Variants in PLEKHA6 observed in about 807,000 individuals in gnomAD.
PLEKHA6 encodes the protein pleckstrin homology domain containing A6.
In PLEKHA6, 60 loss-of-function variants were observed where a neutral mutation model predicts 116.7. The observed-to-expected ratio is 0.51, with a 90% confidence interval of 0.42 to 0.64. The LOEUF is 0.64. Ranked by LOEUF, PLEKHA6 falls within the 30% of genes least tolerant of loss-of-function variation. PLEKHA6 has a pLI of 0.00. For synonymous variants in PLEKHA6, 489 were observed against 556.1 expected (o/e 0.88, Z 1.70); for missense variants, 1,338 against 1,422.7 (o/e 0.94, Z 0.96).
chr1:204,338,130 G>T (rs909707449), intron 1 of PLEKHA6, among the ~76,000 whole-genome samples: 1 of 152,236 alleles, frequency 6.6e-6, no homozygotes, highest in Non-Finnish European at 1.5e-5. Context: ...TTGAATTATG[G>T]CTCCACGACT....
chr1:204,278,554 G>A (rs1233061391), intron 1 of PLEKHA6, among the ~76,000 whole-genome samples: 1 of 152,220 alleles, frequency 6.6e-6, no homozygotes, highest in Admixed American at 6.5e-5. Context: ...GGGGAATAAT[G>A]TGATCAGTGA....
At chr1:204,345,760 G>A (rs1673019316) in intron 1 of PLEKHA6, among the ~76,000 whole-genome samples, 1 of 152,098 alleles carries the variant, frequency 6.6e-6, no homozygotes, top group South Asian at 2.1e-4. Context: ...CCTGACCCCA[G>A]AGCAGGTTCC....
At chr1:204,317,898 A>T (rs1020676026) in intron 1 of PLEKHA6, among the ~76,000 whole-genome samples, 2 of 152,230 alleles carry the variant, frequency 1.3e-5, no homozygotes, top group Admixed American at 1.3e-4. Context: ...GGAGGACAAT[A>T]ACAGTATCCA....
intron 1 of PLEKHA6, among the ~76,000 whole-genome samples, chr1:204,348,829 A>G (rs961461579): frequency 6.6e-6 from 1 of 151,780 alleles, no homozygotes; most frequent in African/African-American, 2.4e-5. Context: ...AGACAATGAG[A>G]AACGGGCTTC....
Position 204,272,661 on chromosome 1 carries a change from C to A in PLEKHA6, c.102+965G>T, listed in dbSNP as rs894942095. Among the ~76,000 whole-genome samples, 3 of 152,210 alleles carry A rather than the reference C, an allele frequency of 2.0e-5. No homozygotes were observed. The South Asian group carries it at 6.2e-4, about 32-fold the overall frequency. On this transcript the variant is annotated intron_variant, in intron 3 of 22. Transcript: ENST00000272203. ...ACCTTTCCTTCCTCCCTAGAGGCAA[C>A]CACTGACCCAAAATTAGTCTTCCTG...
chr1:204,232,975 A>G (rs1246834935), intron 17 of PLEKHA6, among the ~76,000 whole-genome samples: 2 of 151,968 alleles, frequency 1.3e-5, no homozygotes, highest in African/African-American at 4.8e-5. Flanking sequence ...TTTAAAATTT[A>G]TTTTTTAAAT....
At chr1:204,334,223 C>T (rs1230002463) in intron 1 of PLEKHA6, among the ~76,000 whole-genome samples, 1 of 152,292 alleles carries the variant, frequency 6.6e-6, no homozygotes, top group East Asian at 1.9e-4. Flanking sequence ...GCATAGCTAA[C>T]CCTCCATCAC....
intron 1 of PLEKHA6, among the ~76,000 whole-genome samples, chr1:204,338,137 G>A (rs1672718590): frequency 1.3e-5 from 2 of 152,280 alleles, no homozygotes; most frequent in Middle Eastern, 3.4e-3. Context: ...ATGGCTCCAC[G>A]ACTTTCTAAC....
At position 204,259,246 on chromosome 1, in the gene PLEKHA6, G is replaced by T; in HGVS notation, c.1007+12C>A. The T allele has an allele frequency of 6.2e-7, 1 of 1,611,282 alleles. No homozygotes were observed. The highest frequency in any genetic ancestry group is 1.1e-5 in the South Asian group (1 of 90,924). On this transcript the variant is annotated intron_variant, in intron 8 of 22. Coordinates refer to ENST00000272203, the MANE Select transcript of PLEKHA6 (RefSeq NM_014935.5). This position sits in a 1 kb window ranked among gnomAD's most constrained non-coding sequence, Gnocchi z 4.6. ...CCATATCAGCCCCACCCCAGCCGCCGGCATGCCTCACCTCCGAAGGTCTTC... is the reference window on the plus strand; with the variant it reads ...CCATATCAGCCCCACCCCAGCCGCCTGCATGCCTCACCTCCGAAGGTCTTC...
At chr1:204,297,949 A>G in intron 1 of PLEKHA6, 3 of 967,032 alleles carry the variant, frequency 3.1e-6, no homozygotes, top group Non-Finnish European at 3.7e-6. Context: ...TACTCCTCAT[A>G]TCTCTCCCCA....
chr1:204,311,503 A>G, intron 1 of PLEKHA6: 1 of 606,178 alleles, frequency 1.6e-6, no homozygotes, highest in African/African-American at 2.0e-5. Context: ...AAAAAAAAAA[A>G]AGTTATTCTG....
In PLEKHA6 at chr1:204,274,807, T is replaced by C. The variant is rs755813252; in HGVS notation, c.-92A>G. On this transcript the variant is annotated splice_region_variant and 5_prime_UTR_variant, in exon 2 of 23. Transcript: ENST00000272203. ...TAGAAATGTGTTCCGTCTTTCATTG[T>C]GGCTGTAGAGGGAAAAACAGAAGAG... The C allele has an allele frequency of 1.0e-6, 1 of 985,840 alleles. No homozygotes were observed. Among genetic ancestry groups the C allele is most frequent in the Non-Finnish European group, 1.2e-6 (1 of 829,920 alleles). 61.1% of individuals were successfully genotyped at this position (985,840 alleles called of 1,614,324 possible).
chr1:204,305,994 G>A (rs915309290), intron 1 of PLEKHA6, among the ~76,000 whole-genome samples: 2 of 152,012 alleles, frequency 1.3e-5, no homozygotes, highest in African/African-American at 4.8e-5. Flanking sequence ...GGATTATATC[G>A]ACATTGAGAG....
At chr1:204,249,100 T>C in intron 11 of PLEKHA6, 84 bp downstream of exon 11, 1 of 1,477,008 alleles carries the variant, frequency 6.8e-7, no homozygotes, top group Non-Finnish European at 9.4e-7. Context: ...GTCATCTCAG[T>C]CAGGTTGGAG....
intron 17 of PLEKHA6, among the ~76,000 whole-genome samples, chr1:204,233,041 G>T (rs1431594927): frequency 1.3e-5 from 2 of 152,004 alleles, no homozygotes; most frequent in African/African-American, 2.4e-5. Context: ...GGGCTCAAAT[G>T]GTCCTCCTGC....
intron 1 of PLEKHA6, among the ~76,000 whole-genome samples, chr1:204,353,183 A>T (rs1355575): frequency 0.042 from 6,367 of 152,294 alleles, 140 homozygotes; most frequent in African/African-American, 0.051. Context: ...GTTACCAACC[A>T]TTTTGTGACT....
chr1:204,356,832 C>T (rs1034214722), intron 1 of PLEKHA6, among the ~76,000 whole-genome samples: 1 of 152,110 alleles, frequency 6.6e-6, no homozygotes, highest in African/African-American at 2.4e-5. Flanking sequence ...CAATGTATTA[C>T]TTTTACACTC....
At chr1:204,231,556 G>GT (rs1320207377) in intron 17 of PLEKHA6, among the ~76,000 whole-genome samples, 2 of 143,530 alleles carry the variant, frequency 1.4e-5, no homozygotes, top group East Asian at 4.1e-4. Context: ...GTATTGTTGG[G>GT]TTTTTTTTCT....
Position 204,335,831 on chromosome 1 carries a change from G to A in PLEKHA6, c.-95+23863C>T, listed in dbSNP as rs1231629879. ...GCATGGGCAGGGCACATCTGTACCT[G>A]TCTTTGGACCCAGACCCCATAGCTT... On this transcript the variant is annotated intron_variant, in intron 1 of 22. Transcript: ENST00000272203. Among the ~76,000 whole-genome samples the A allele has an allele frequency of 2.0e-5, 3 of 152,258 alleles. No individual in the cohort carries two copies. The East Asian group carries it at 5.8e-4, about 29-fold the overall frequency.
Sources: gnomAD v4.1 joint callset for allele counts (sites outside exome capture counted in the v4.1 genomes callset) on GRCh38, gnomAD v4.1.1 for gene constraint, Gnocchi (gnomAD v3.1) non-coding constraint, MANE v1.5 for transcripts, NCBI Gene and HGNC (gene_info 2026-07-23, HGNC 2026-07-21) for gene names.